The following WDR43 variants were observed in gnomAD, a reference collection of about 807,000 sequenced individuals.
WDR43 encodes WD repeat domain 43, also known as WD repeat-containing protein 43.
In WDR43, 13 loss-of-function variants were observed where a neutral mutation model predicts 91.4. The observed-to-expected ratio is 0.14, with a 90% confidence interval of 0.09 to 0.23. WDR43 has a LOEUF of 0.23. Among genes scored for constraint, WDR43 ranks in the 10% least tolerant of loss-of-function variants. WDR43 has a pLI of 1.00. For missense variants in WDR43, 780 were observed against 809.4 expected (o/e 0.96, Z 0.44); for synonymous variants, 331 against 287.9 (o/e 1.15, Z -1.51).
chr2:28,944,437 T>C (rs1490828072), intron 16 of WDR43, among the ~76,000 whole-genome samples: 2 of 152,226 alleles, frequency 1.3e-5, no homozygotes, highest in African/African-American at 2.4e-5. Context: ...TTTTTAAGAA[T>C]GTGAAAGCAT....
chr2:28,934,952 T>C (rs1671311497), intron 11 of WDR43, among the ~76,000 whole-genome samples: 1 of 151,840 alleles, frequency 6.6e-6, no homozygotes, highest in Non-Finnish European at 1.5e-5. Flanking sequence ...GAAGGTGTGC[T>C]TCTAAGGGGC....
chr2:28,898,629 A>G (rs1670524994), intron 1 of WDR43, among the ~76,000 whole-genome samples: 3 of 152,168 alleles, frequency 2.0e-5, no homozygotes, highest in South Asian at 4.1e-4. Flanking sequence ...TCTAGAGTTC[A>G]GTATTTCTCA....
At chr2:28,935,183 A>C (rs960587115) in intron 11 of WDR43, among the ~76,000 whole-genome samples, 8 of 152,198 alleles carry the variant, frequency 5.3e-5, no homozygotes, top group Non-Finnish European at 1.0e-4. Flanking sequence ...ATACAGCCCA[A>C]ATTTCATAAA....
At chr2:28,906,362 C>A (rs1670678488) in intron 2 of WDR43, 98 bp from the exon 3 acceptor site, 1 of 1,258,228 alleles carries the variant, frequency 7.9e-7, no homozygotes, top group South Asian at 1.5e-5. Flanking sequence ...TGGCTCATGC[C>A]TGTAATCCCA....
Position 28,947,289 on chromosome 2 carries a change from GTAAT to G in WDR43, c.*514_*517del, listed in dbSNP as rs1671560880. On this transcript the variant is annotated 3_prime_UTR_variant, in exon 18 of 18. Coordinates refer to ENST00000407426, the MANE Select transcript of WDR43 (RefSeq NM_015131.3). ...ACTACAAACTGGAGTAAAAATGATGGTAATTAAAAAAAATCCTCAGTATCCCTAG... is the reference window on the plus strand; with the variant it reads ...ACTACAAACTGGAGTAAAAATGATGGTAAAAAAAATCCTCAGTATCCCTAG... 1 of 151,956 alleles carries G rather than the reference GTAAT, an allele frequency of 6.6e-6. No individual in the cohort carries two copies. Among genetic ancestry groups the G allele is most frequent in the Non-Finnish European group, 1.5e-5 (1 of 68,004 alleles). 9.4% of individuals were successfully genotyped at this position (151,956 alleles called of 1,614,324 possible). A position where few individuals can be genotyped will look rare whatever the true frequency, so the allele number is the denominator to read the frequency against.
chr2:28,912,493 T>C, intron 3 of WDR43, 97 bp from the exon 4 acceptor site: 1 of 1,464,088 alleles, frequency 6.8e-7, no homozygotes, highest in South Asian at 1.3e-5. Context: ...GAGGCGATAT[T>C]TTTAATGATT....
At chr2:28,912,874 A>T (rs1011353164) in intron 4 of WDR43, among the ~76,000 whole-genome samples, 164 bp downstream of exon 4, 3 of 151,858 alleles carry the variant, frequency 2.0e-5, no homozygotes, top group African/African-American at 7.3e-5. Flanking sequence ...TGATTTGTTG[A>T]TGTTAAAGAG....
intron 9 of WDR43, 54 bp downstream of exon 9, chr2:28,926,608 A>G: frequency 2.1e-6 from 3 of 1,421,300 alleles, no homozygotes; most frequent in Non-Finnish European, 2.9e-6. Flanking sequence ...CTTTGGGTGA[A>G]TGGAACTGTT....
chr2:28,917,901 G>C lies in WDR43; in HGVS notation c.755G>C (p.Arg252Pro), dbSNP rs1199673902. The C allele has an allele frequency of 1.3e-6, 2 of 1,578,366 alleles. No individual in the cohort carries two copies. The highest frequency in any genetic ancestry group is 1.8e-5 in the Admixed American group (1 of 54,556). The change falls in exon 6 of 18, where the codon CGA becomes CCA. Residue 252 changes from arginine to proline, a missense_variant. Around this residue, in one of 4 missense-constraint regions of WDR43, gnomAD observed 174 missense variants for 207.3 expected, o/e 0.84. Transcript: ENST00000407426. ...HDRLLNVWQV[R>P]SENKEKSAVM... The stretch of plus-strand genomic sequence containing the variant: ...CTGGTTTTGTTATCTAGGCAGGTCC[G>C]ATCAGAAAACAAAGAAAAGAGTGCA...
At chr2:28,918,937 C>T (rs1047872101) in intron 6 of WDR43, among the ~76,000 whole-genome samples, 3 of 152,106 alleles carry the variant, frequency 2.0e-5, no homozygotes, top group African/African-American at 4.8e-5. Context: ...TAGAGATGAT[C>T]ATCATGTTTT....
chr2:28,943,405 G>T (rs1336149581), intron 16 of WDR43, among the ~76,000 whole-genome samples: 1 of 152,100 alleles, frequency 6.6e-6, no homozygotes, highest in Non-Finnish European at 1.5e-5. Context: ...CAAAGTGCTG[G>T]GAATAGAAGC....
At chr2:28,935,665 C>A in intron 12 of WDR43, 58 bp downstream of exon 12, 1 of 1,205,668 alleles carries the variant, frequency 8.3e-7, no homozygotes, top group South Asian at 1.6e-5. Context: ...ATGGAAAATT[C>A]AGTAGTTAGA....
At chr2:28,937,788 T>G in intron 13 of WDR43, 143 bp from the exon 14 acceptor site, 1 of 752,060 alleles carries the variant, frequency 1.3e-6, no homozygotes, top group Non-Finnish European at 2.2e-6. Context: ...GAAAGTGATA[T>G]ATACACAGTG....
intron 1 of WDR43, among the ~76,000 whole-genome samples, chr2:28,900,209 T>G (rs1482108402): frequency 6.6e-6 from 1 of 152,144 alleles, no homozygotes; most frequent in African/African-American, 2.4e-5. Flanking sequence ...TTTGTTTTGT[T>G]TGAGATGAGT....
intron 2 of WDR43, among the ~76,000 whole-genome samples, chr2:28,903,328 C>CA (rs1340024390): frequency 6.6e-6 from 1 of 151,996 alleles, no homozygotes; most frequent in Non-Finnish European, 1.5e-5. Context: ...ATTAGTGAGC[C>CA]AAAGGGTTGC....
chr2:28,940,552 A>C (rs918657845), intron 14 of WDR43, among the ~76,000 whole-genome samples: 5 of 152,192 alleles, frequency 3.3e-5, no homozygotes, highest in Non-Finnish European at 7.3e-5. Context: ...CTTAGAGCCC[A>C]GAGATGGGAG....
Position 28,931,367 on chromosome 2 carries a change from A to C in WDR43, c.1437+1657A>C, listed in dbSNP as rs557562581. 8.5e-4 allele frequency among the ~76,000 whole-genome samples: 130 copies of C among 152,344 alleles called. 3 individuals are homozygous for C. Among genetic ancestry groups the C allele is most frequent in the African/African-American group, 3.1e-3 (130 of 41,588 alleles). ...AGTCCTGGGATTACAGGCGTGAGCC[A>C]CTGTGCCGGCCTATTTTTGCTTTCT... On this transcript the variant is annotated intron_variant, in intron 11 of 17. Coordinates refer to ENST00000407426, the MANE Select transcript of WDR43 (RefSeq NM_015131.3).
In WDR43 at chr2:28,938,109, G is replaced by T. The variant is rs983735644; in HGVS notation, c.1620+115G>T. 30 of 1,072,124 alleles carry T rather than the reference G, an allele frequency of 2.8e-5. No homozygotes were observed. The South Asian group carries it at 4.3e-4, about 15-fold the overall frequency. The allele number at this position is 1,072,124 out of a possible 1,614,324, so 66.4% of individuals were successfully genotyped here. A position where few individuals can be genotyped will look rare whatever the true frequency, so the allele number is the denominator to read the frequency against. On this transcript the variant is annotated intron_variant, in intron 14 of 17. Coordinates refer to ENST00000407426, the MANE Select transcript of WDR43 (RefSeq NM_015131.3). The stretch of plus-strand genomic sequence containing the variant: ...TCCTTTCCCCATCTATCCTTCAGCC[G>T]TTAGATGCTTCCTTTAGAGATTTTG...
intron 13 of WDR43, among the ~76,000 whole-genome samples, chr2:28,937,628 T>C (rs1472605730): frequency 6.6e-6 from 1 of 152,212 alleles, no homozygotes; most frequent in Non-Finnish European, 1.5e-5. Flanking sequence ...CGAAGATTAC[T>C]GCCCTCATAT....
Sources: gnomAD v4.1 joint callset for allele counts (sites outside exome capture counted in the v4.1 genomes callset) on GRCh38, gnomAD v4.1.1 for gene constraint, gnomAD v4.1.1 regional missense constraint, MANE v1.5 for transcripts, NCBI Gene and HGNC (gene_info 2026-07-23, HGNC 2026-07-21) for gene names.